The following RERE variants were observed in gnomAD, a reference collection of about 807,000 sequenced individuals.
The protein encoded by RERE is arginine-glutamic acid dipeptide repeats, also known as arginine-glutamic acid dipeptide repeats protein.
In RERE, 40 loss-of-function variants were observed where a neutral mutation model predicts 146.1. The ratio of observed to expected loss-of-function variants is 0.27; its 90% CI spans 0.21 to 0.36. The LOEUF (loss-of-function observed/expected upper bound fraction) is 0.36, where lower values mean the gene tolerates loss of function less well. RERE is among the 10% of genes least tolerant of loss of function. The probability of loss-of-function intolerance (pLI) is 1.00; values close to 1 mark genes in which losing one functional copy is unlikely to be tolerated. For missense variants in RERE, 1,933 were observed against 2,138.7 expected (o/e 0.90, Z 1.90); for synonymous variants, 1,003 against 866.0 (o/e 1.16, Z -2.78).
intron 7 of RERE, among the ~76,000 whole-genome samples, chr1:8,514,536 C>A (rs1038192266): frequency 2.0e-5 from 3 of 152,096 alleles, no homozygotes; most frequent in African/African-American, 7.2e-5. Flanking sequence ...TCGAAACCAG[C>A]CTAGTCAACA....
At chr1:8,597,416 A>G (rs181542596) in intron 4 of RERE, among the ~76,000 whole-genome samples, 1 of 152,304 alleles carries the variant, frequency 6.6e-6, no homozygotes, top group East Asian at 1.9e-4. Flanking sequence ...TTAAATGGAC[A>G]TTTGAATTCT....
chr1:8,378,796 G>A (rs1299851316), intron 12 of RERE, among the ~76,000 whole-genome samples: 2 of 152,168 alleles, frequency 1.3e-5, no homozygotes, highest in African/African-American at 2.4e-5. Context: ...GCTTCATGGT[G>A]AGCCTCGAGG....
chr1:8,747,770 A>G (rs1056083239), intron 1 of RERE, among the ~76,000 whole-genome samples: 3 of 152,038 alleles, frequency 2.0e-5, no homozygotes, highest in African/African-American at 7.2e-5. Flanking sequence ...ACTAAAGATA[A>G]TAAGAGAGTA....
At chr1:8,484,996 T>G (rs1644880209) in intron 10 of RERE, among the ~76,000 whole-genome samples, 1 of 152,078 alleles carries the variant, frequency 6.6e-6, no homozygotes, top group Non-Finnish European at 1.5e-5. Context: ...GGACCAAAAG[T>G]AGCAAGTCAT....
intron 1 of RERE, among the ~76,000 whole-genome samples, chr1:8,691,004 TCTC>T (rs1639194936): frequency 6.6e-6 from 1 of 152,062 alleles, no homozygotes; most frequent in South Asian, 2.1e-4. Flanking sequence ...TTCAAGCAGT[TCTC>T]CTGCCTCAGC....
At chr1:8,771,319 C>T (rs181614744) in intron 1 of RERE, among the ~76,000 whole-genome samples, 7 of 150,404 alleles carry the variant, frequency 4.7e-5, no homozygotes, top group Admixed American at 2.0e-4. Context: ...GTCAGGAGTT[C>T]GAGTCCAGCC....
chr1:8,618,437 C>G (rs1238036322), intron 3 of RERE, among the ~76,000 whole-genome samples: 2 of 152,192 alleles, frequency 1.3e-5, no homozygotes, highest in East Asian at 3.8e-4. Flanking sequence ...TCTACCATCC[C>G]TCATCTCAAT....
chr1:8,437,360 G>A (rs1570237032), intron 11 of RERE, among the ~76,000 whole-genome samples: 1 of 152,108 alleles, frequency 6.6e-6, no homozygotes, highest in Non-Finnish European at 1.5e-5. Context: ...CCAGGGTGGG[G>A]GTGGAGGAAG....
At chr1:8,521,175 T>C (rs74405453) in intron 7 of RERE, among the ~76,000 whole-genome samples, 1 of 19,882 alleles carries the variant, frequency 5.0e-5, no homozygotes, top group African/African-American at 2.4e-4. Context: ...CTTCTTTTTT[T>C]CAAAAAAAAA....
intron 2 of RERE, among the ~76,000 whole-genome samples, chr1:8,633,218 G>A (rs946932378): frequency 7.9e-5 from 12 of 152,128 alleles, no homozygotes; most frequent in African/African-American, 1.2e-4. Context: ...TCAGAAGTTC[G>A]AGACCAGCCT....
intron 1 of RERE, among the ~76,000 whole-genome samples, chr1:8,744,656 T>G (rs949460242): frequency 3.9e-5 from 6 of 152,108 alleles, no homozygotes; most frequent in Admixed American, 3.9e-4. Context: ...CCTTCAAACT[T>G]TAGCGATAAA....
intron 6 of RERE, among the ~76,000 whole-genome samples, chr1:8,549,342 C>G (rs147323876): frequency 2.0e-5 from 3 of 152,238 alleles, no homozygotes; most frequent in African/African-American, 4.8e-5. Flanking sequence ...AGGGGCCAAT[C>G]TGAAGTAGCT....
intron 1 of RERE, among the ~76,000 whole-genome samples, chr1:8,773,827 A>G (rs1641004676): frequency 6.6e-6 from 1 of 152,218 alleles, no homozygotes; most frequent in East Asian, 1.9e-4. Flanking sequence ...CCATCTCAGA[A>G]AAAAGTTACA....
intron 6 of RERE, among the ~76,000 whole-genome samples, chr1:8,547,087 T>TAAA (rs149634313): frequency 2.6e-4 from 37 of 143,238 alleles, no homozygotes; most frequent in East Asian, 1.2e-3. Context: ...GCTTTTTTTT[T>TAAA]AAAAAAAAAA....
At chr1:8,449,020 A>T (rs950845912) in intron 11 of RERE, among the ~76,000 whole-genome samples, 2 of 152,198 alleles carry the variant, frequency 1.3e-5, no homozygotes, top group African/African-American at 2.4e-5. Flanking sequence ...TAACTTGGGG[A>T]CAGCCCTGAG....
At chr1:8,585,334 T>C (rs1343710261) in intron 4 of RERE, among the ~76,000 whole-genome samples, 2 of 152,122 alleles carry the variant, frequency 1.3e-5, no homozygotes, top group Non-Finnish European at 1.5e-5. Flanking sequence ...AGACATCATA[T>C]ATAATATTTC....
chr1:8,485,443 A>G (rs758720812), intron 10 of RERE, among the ~76,000 whole-genome samples: 1 of 152,122 alleles, frequency 6.6e-6, no homozygotes, highest in Non-Finnish European at 1.5e-5. Context: ...ACTCCAAACA[A>G]AAGGCAGAGC....
At position 8,815,932 on chromosome 1, in the gene RERE, A is replaced by G. The variant is rs569062444; in HGVS notation, c.-145+1228T>C. On this transcript the variant is annotated intron_variant, in intron 1 of 22. Coordinates refer to ENST00000400908, the MANE Select transcript of RERE (RefSeq NM_001042681.2). The stretch of plus-strand genomic sequence containing the variant: ...ACAACAACAGGGAGAGCTGGAAGCC[A>G]GCTTTCCACCCATCCCAGGCCATCA... Among the ~76,000 whole-genome samples, 18 of 152,162 alleles carry G rather than the reference A, an allele frequency of 1.2e-4. 1 individual carries two copies. In the East Asian group the frequency reaches 3.3e-3, roughly 28 times the overall value.
At chr1:8,470,156 T>C (rs1360226009) in intron 10 of RERE, among the ~76,000 whole-genome samples, 1 of 152,102 alleles carries the variant, frequency 6.6e-6, no homozygotes, top group Non-Finnish European at 1.5e-5. Context: ...TATTCCTGAG[T>C]TTCCCATGTT....
Sources: gnomAD v4.1 joint callset for allele counts (sites outside exome capture counted in the v4.1 genomes callset) on GRCh38, gnomAD v4.1.1 for gene constraint, MANE v1.5 for transcripts, NCBI Gene and HGNC (gene_info 2026-07-23, HGNC 2026-07-21) for gene names.